The following CRY2 variants were observed in gnomAD, a reference collection of about 807,000 sequenced individuals.
CRY2 encodes the protein cryptochrome circadian regulator 2.
A neutral mutation model predicts 69.5 loss-of-function variants in CRY2; 31 were observed. The observed-to-expected ratio is 0.45, with a 90% CI of 0.34 to 0.60. The LOEUF is 0.60. CRY2 is among the 20% of genes least tolerant of loss of function. The probability of loss-of-function intolerance (pLI) is 0.02; values close to 1 mark genes in which losing one functional copy is unlikely to be tolerated. For missense variants in CRY2, 606 were observed against 797.8 expected, an observed-to-expected ratio of 0.76 and a Z score of 2.90; for synonymous variants, 303 against 312.2, an observed-to-expected ratio of 0.97 and a Z score of 0.31.
intron 11 of CRY2, among the ~76,000 whole-genome samples, chr11:45,874,172 C>T (rs1427020349): frequency 2.0e-5 from 3 of 151,786 alleles, no homozygotes; most frequent in East Asian, 1.9e-4. Flanking sequence ...TCCAGCTACT[C>T]GGGAGGCTGG....
intron 9 of CRY2, 83 bp from the exon 10 acceptor site, chr11:45,870,759 C>T (rs746902424): frequency 1.1e-5 from 14 of 1,257,432 alleles, no homozygotes; most frequent in Non-Finnish European, 1.5e-5. Context: ...CTACCCTCCC[C>T]ACCCCCACTT....
intron 5 of CRY2, among the ~76,000 whole-genome samples, chr11:45,864,397 A>G (rs2086313172): frequency 6.6e-6 from 1 of 151,960 alleles, no homozygotes; most frequent in South Asian, 2.1e-4. Flanking sequence ...CCAAGGCAGG[A>G]GGATCTCTTG....
At chr11:45,864,365 G>A (rs1335553244) in intron 5 of CRY2, among the ~76,000 whole-genome samples, 1 of 152,200 alleles carries the variant, frequency 6.6e-6, no homozygotes, top group African/African-American at 2.4e-5. Context: ...ACTCACACCT[G>A]TAATCTTAGC....
chr11:45,847,146 G>T, upstream of CRY2: 1 of 1,535,912 alleles, frequency 6.5e-7, no homozygotes, highest in South Asian at 1.2e-5. Context: ...GCCCTGAACA[G>T]GACGTGGGTA....
chr11:45,872,310 G>T (rs2086392086), intron 11 of CRY2, 77 bp downstream of exon 11: 1 of 1,361,162 alleles, frequency 7.3e-7, no homozygotes, highest in East Asian at 2.3e-5. Flanking sequence ...CCAGCTGCAG[G>T]TTGAAACATA....
Position 45,854,025 on chromosome 11 carries a change from G to A in CRY2, c.216-1957G>A, listed in dbSNP as rs117256734. 9.6e-3 allele frequency among the ~76,000 whole-genome samples: 1,460 copies of A among 152,380 alleles called. 19 individuals carry two copies. Among genetic ancestry groups the A allele is most frequent in the Middle Eastern group, 0.024 (7 of 294 alleles). On this transcript the variant is annotated intron_variant, in intron 1 of 11. Coordinates refer to ENST00000616080, the MANE Select transcript of CRY2 (RefSeq NM_021117.5). Reference sequence around the variant, plus strand: ...AGAATGTGGGTCGGTGGCATTGGCCGTAGGAGTGTGTCAAGTTGTGTACGT... The same window carrying A: ...AGAATGTGGGTCGGTGGCATTGGCCATAGGAGTGTGTCAAGTTGTGTACGT...
chr11:45,856,201 C>A, intron 2 of CRY2, 111 bp downstream of exon 2: 2 of 895,778 alleles, frequency 2.2e-6, no homozygotes, highest in South Asian at 1.6e-5. Context: ...CAGGGCTGGT[C>A]TGGCTGTTGC....
intron 1 of CRY2, among the ~76,000 whole-genome samples, chr11:45,855,776 G>GT (rs377378371): frequency 1.3e-3 from 200 of 152,340 alleles, no homozygotes; most frequent in South Asian, 0.011. Flanking sequence ...CACACAGCTA[G>GT]TAAGTGGCAA....
chr11:45,848,594 A>G lies in CRY2; in HGVS notation c.215+889A>G, dbSNP rs1030271621. On this transcript the variant is annotated intron_variant, in intron 1 of 11. Transcript: ENST00000616080. ...ATGGAGTCGACATGATCATGGAAAAAGATGAACAGGTCGTTAGTGTATTTT... is the reference window on the plus strand; with the variant it reads ...ATGGAGTCGACATGATCATGGAAAAGGATGAACAGGTCGTTAGTGTATTTT... 2.6e-5 allele frequency among the ~76,000 whole-genome samples: 4 copies of G among 152,336 alleles called. No individual in the cohort carries two copies. The East Asian group carries it at 7.7e-4, about 29-fold the overall frequency.
chr11:45,871,682 C>T (rs948453496), intron 10 of CRY2, among the ~76,000 whole-genome samples: 11 of 152,180 alleles, frequency 7.2e-5, no homozygotes, highest in Admixed American at 2.0e-4. Context: ...GGGAAGAACA[C>T]GGGTTTTTCT....
Position 45,869,820 on chromosome 11 carries a change from G to A in CRY2, c.1194+3G>A, listed in dbSNP as rs1196783173. 1.2e-6 allele frequency: 2 copies of A among 1,600,966 alleles called. No individual in the cohort carries two copies. Among genetic ancestry groups the A allele is most frequent in the Non-Finnish European group, 1.7e-6 (2 of 1,171,520 alleles). On this transcript the variant is annotated splice_donor_region_variant and intron_variant, in intron 7 of 11. Transcript: ENST00000616080. ...TCAGCTGGGAGAGCGGGGTCCGGGTGAGTGCTCTCTCAACGAAAAGCTGGC... is the reference window on the plus strand; with the variant it reads ...TCAGCTGGGAGAGCGGGGTCCGGGTAAGTGCTCTCTCAACGAAAAGCTGGC...
At position 45,847,538 on chromosome 11, in the gene CRY2, G is replaced by C. The variant is rs1233424659; in HGVS notation, c.48G>C (p.Ala16=). The change falls in exon 1 of 12, where the codon GCG becomes GCC. Residue 16 remains alanine (A), a synonymous_variant. Coordinates refer to ENST00000616080, the MANE Select transcript of CRY2 (RefSeq NM_021117.5). ...CGGCAGCTGTGGCCCCGGCGCCAGC[G>C]CCCGGCACGGACAGCGCCTCTTCGG... ...ATAAAVAPAP[A]PGTDSASSVH... is the part of the protein sequence containing the mutation. 4 of 1,586,592 alleles carry C rather than the reference G, an allele frequency of 2.5e-6. No individual in the cohort carries two copies. Among genetic ancestry groups the C allele is most frequent in the African/African-American group, 2.7e-5 (2 of 74,710 alleles).
chr11:45,847,308 T>C (rs767086401), upstream of CRY2: 10 of 1,572,998 alleles, frequency 6.4e-6, no homozygotes, highest in African/African-American at 1.3e-4. Context: ...GCGGGCCTGT[T>C]CCGGCGCCTC....
At chr11:45,866,105 T>C (rs1260573973) in intron 5 of CRY2, among the ~76,000 whole-genome samples, 1 of 152,202 alleles carries the variant, frequency 6.6e-6, no homozygotes, top group Non-Finnish European at 1.5e-5. Context: ...GGATTGTGCC[T>C]TGGGCAGCTA....
rs572862746 is a variant in CRY2 at position 45,872,365 on chromosome 11, C to G, written c.*2+132C>G. 36 of 811,818 alleles carry G rather than the reference C, an allele frequency of 4.4e-5. No homozygotes were observed. The South Asian group carries it at 5.5e-4, about 12-fold the overall frequency. 50.3% of individuals were successfully genotyped at this position (811,818 alleles called of 1,614,324 possible). ...GGTGGGACCACCCAATGCTCAGCCA[C>G]TAAAGCTTTACCATTTTACAGTGGC... On this transcript the variant is annotated intron_variant, in intron 11 of 11. Coordinates refer to ENST00000616080, the MANE Select transcript of CRY2 (RefSeq NM_021117.5).
chr11:45,860,590 G>A (rs925149352), intron 3 of CRY2, among the ~76,000 whole-genome samples: 11 of 152,060 alleles, frequency 7.2e-5, no homozygotes, highest in African/African-American at 2.4e-4. Flanking sequence ...CAGGGAGCCC[G>A]GAATTGAGTC....
At chr11:45,866,375 T>C (rs1414864409) in intron 5 of CRY2, among the ~76,000 whole-genome samples, 1 of 152,070 alleles carries the variant, frequency 6.6e-6, no homozygotes, top group Non-Finnish European at 1.5e-5. Context: ...GGTACCCACA[T>C]TTAAGGGAGA....
chr11:45,859,962 A>T (rs925091693), intron 3 of CRY2, among the ~76,000 whole-genome samples: 5 of 152,166 alleles, frequency 3.3e-5, no homozygotes, highest in Non-Finnish European at 5.9e-5. Context: ...AGGGAGGCAT[A>T]GCAGAGGCAG....
chr11:45,859,478 C>T lies in CRY2; in HGVS notation c.467+605C>T, dbSNP rs138994513. Among the ~76,000 whole-genome samples, 923 of 151,768 alleles carry T rather than the reference C, an allele frequency of 6.1e-3. 13 individuals are homozygous for T. Among genetic ancestry groups the T allele is most frequent in the Middle Eastern group, 0.021 (6 of 292 alleles). ...TGAAGAGGCTGAGGTTGGAGGATCA[C>T]TTGAGCCCAGGGGCTTGAGGCTGCC... On this transcript the variant is annotated intron_variant, in intron 3 of 11. Transcript: ENST00000616080.
Sources: allele counts gnomAD v4.1 joint callset (sites outside exome capture counted in the v4.1 genomes callset), GRCh38; gene constraint gnomAD v4.1.1; transcripts MANE v1.5; gene names NCBI Gene and HGNC (gene_info 2026-07-23, HGNC 2026-07-21).